PLEKHG4B: variants seen among roughly 807,000 people sequenced by gnomAD.
PLEKHG4B encodes pleckstrin homology domain-containing family G member 4B.
A neutral mutation model predicts 121.3 loss-of-function variants in PLEKHG4B; 111 were observed. The observed-to-expected ratio is 0.92, with a 90% confidence interval of 0.78 to 1.07. The LOEUF is 1.07. Ranked by LOEUF, PLEKHG4B falls within the 50% of genes least tolerant of loss-of-function variation. The probability of loss-of-function intolerance (pLI) is 0.00; values close to 1 mark genes in which losing one functional copy is unlikely to be tolerated. For missense variants in PLEKHG4B, 1,831 were observed against 1,757.8 expected (o/e 1.04, Z -0.74); for synonymous variants, 738 against 725.0 (o/e 1.02, Z -0.29).
chr5:143,537 C>A, intron 5 of PLEKHG4B, 34 bp downstream of exon 5: 1 of 1,604,536 alleles, frequency 6.2e-7, no homozygotes, highest in South Asian at 1.1e-5. Context: ...CCCTGCAGAC[C>A]CATGGGACCC....
intron 2 of PLEKHG4B, among the ~76,000 whole-genome samples, chr5:115,416 T>G (rs1414097169): frequency 6.6e-6 from 1 of 152,192 alleles, no homozygotes; most frequent in Non-Finnish European, 1.5e-5. Context: ...AGGTTCAGAA[T>G]GGTCCATAAG....
chr5:120,762 G>A (rs940687266), intron 2 of PLEKHG4B, among the ~76,000 whole-genome samples: 2 of 152,136 alleles, frequency 1.3e-5, no homozygotes, highest in African/African-American at 4.8e-5. Flanking sequence ...TTGGTGATTT[G>A]CAAAGGTACC....
chr5:129,951 C>A (rs1394085688), intron 2 of PLEKHG4B, among the ~76,000 whole-genome samples: 1 of 152,062 alleles, frequency 6.6e-6, no homozygotes, highest in Non-Finnish European at 1.5e-5. Flanking sequence ...ACAGGCTTCA[C>A]CCAGAATGTG....
In PLEKHG4B at chr5:173,956, T is replaced by G. The variant is rs749659715; in HGVS notation, c.4260T>G (p.Ser1420Arg). The G allele has an allele frequency of 1.9e-6, 3 of 1,612,214 alleles. No homozygotes were observed. The highest frequency in any genetic ancestry group is 2.5e-6 in the Non-Finnish European group (3 of 1,179,706). Residue 1420 changes from serine to arginine, a missense_variant, in exon 18 of 20, where the codon AGT becomes AGG. By Grantham distance (110) the Ser-to-Arg change is moderately radical. Transcript: ENST00000637938. ...GGATGACAGAGAACGTCGGGGACAG[T>G]GGCTTGAGGTTTGAGATTTGGTTTC... ...EIGMTENVGD[S>R]GLRFEIWFRR...
chr5:115,640 A>T (rs1734282907), intron 2 of PLEKHG4B, among the ~76,000 whole-genome samples: 1 of 152,310 alleles, frequency 6.6e-6, no homozygotes, highest in Middle Eastern at 3.4e-3. Context: ...GATCTTCTGG[A>T]TTACTTGCTG....
intron 7 of PLEKHG4B, among the ~76,000 whole-genome samples, chr5:152,077 C>T (rs149936017): frequency 6.6e-6 from 1 of 152,282 alleles, no homozygotes; most frequent in East Asian, 1.9e-4. Context: ...AAGGTACTTC[C>T]TTTCTTTTGA....
chr5:189,835 G>C lies in PLEKHG4B; in HGVS notation c.*7512G>C, dbSNP rs541292307. The C allele has an allele frequency of 5.9e-5, 9 of 152,344 alleles. No homozygotes were observed. Among genetic ancestry groups the C allele is most frequent in the South Asian group, 2.1e-4 (1 of 4,832 alleles). The allele number at this position is 152,344 out of a possible 1,614,324, so 9.4% of individuals were successfully genotyped here. ...CACAGAGCCCGAGTAGGTAAAGGAAGGTTCTGGAAACCACTTTTCAGAACC... is the reference window on the plus strand; with the variant it reads ...CACAGAGCCCGAGTAGGTAAAGGAACGTTCTGGAAACCACTTTTCAGAACC... On this transcript the variant is annotated 3_prime_UTR_variant, in exon 20 of 20. Coordinates refer to ENST00000637938, the MANE Select transcript of PLEKHG4B (RefSeq NM_052909.5).
chr5:106,707 A>C (rs1288036413), intron 1 of PLEKHG4B, among the ~76,000 whole-genome samples: 2 of 152,200 alleles, frequency 1.3e-5, no homozygotes, highest in Non-Finnish European at 2.9e-5. Flanking sequence ...GAGCAGACGT[A>C]GGTGTTGACG....
At chr5:160,827 A>G (rs1314044021) in intron 11 of PLEKHG4B, among the ~76,000 whole-genome samples, 2 of 151,836 alleles carry the variant, frequency 1.3e-5, no homozygotes, top group East Asian at 3.9e-4. Flanking sequence ...CGCCACCCCC[A>G]CTCTGCTCTG....
At chr5:117,761 G>A (rs369961670) in intron 2 of PLEKHG4B, among the ~76,000 whole-genome samples, 8 of 152,176 alleles carry the variant, frequency 5.3e-5, no homozygotes, top group African/African-American at 1.9e-4. Context: ...GCTGAGGCAG[G>A]AGAATCTCTT....
intron 5 of PLEKHG4B, 114 bp downstream of exon 5, chr5:143,617 C>T: frequency 7.6e-7 from 1 of 1,313,518 alleles, no homozygotes; most frequent in Non-Finnish European, 1.1e-6. Context: ...CTCTGCCTCT[C>T]CTAACCTCAT....
chr5:163,263 C>G lies in PLEKHG4B; in HGVS notation c.3191C>G (p.Thr1064Ser). 6.2e-7 allele frequency: 1 copy of G among 1,612,600 alleles called. No homozygotes were observed. The highest frequency in any genetic ancestry group is 1.1e-5 in the South Asian group (1 of 91,002). ...EDSSACSSEPTQTLASRPRKH... is the reference protein window; with the variant it reads ...EDSSACSSEPSQTLASRPRKH... ...AGCTCTGCCTGTTCCTCTGAGCCCA[C>G]CCAGACCCTGGCCAGCCGCCCCAGG... is the stretch of plus-strand genomic sequence containing the variant. Residue 1064 changes from threonine to serine, a missense_variant, in exon 13 of 20, where the codon ACC (threonine) becomes AGC (serine). Physicochemically the swap from Thr to Ser is moderately conservative, Grantham distance 58. Transcript: ENST00000637938.
intron 1 of PLEKHG4B, among the ~76,000 whole-genome samples, chr5:100,874 GT>G (rs1733785484): frequency 9.1e-6 from 1 of 110,234 alleles, no homozygotes; most frequent in African/African-American, 4.5e-5. Flanking sequence ...CCTGGAAAAA[GT>G]CTGTAGGGGA....
At chr5:100,284 G>T (rs1733765727) in intron 1 of PLEKHG4B, among the ~76,000 whole-genome samples, 1 of 152,208 alleles carries the variant, frequency 6.6e-6, no homozygotes, top group Non-Finnish European at 1.5e-5. Flanking sequence ...TTACTAGAAA[G>T]TCTGCAGAAG....
intron 2 of PLEKHG4B, among the ~76,000 whole-genome samples, chr5:133,388 C>T (rs1317066848): frequency 6.6e-6 from 1 of 151,786 alleles, no homozygotes; most frequent in African/African-American, 2.4e-5. Flanking sequence ...TTATTTTTTT[C>T]TCATCTGACT....
At position 173,081 on chromosome 5, in the gene PLEKHG4B, G is replaced by A. The variant is rs200086320; in HGVS notation, c.4221+14G>A. 28 of 1,612,288 alleles carry A rather than the reference G, an allele frequency of 1.7e-5. No homozygotes were observed. The highest frequency in any genetic ancestry group is 9.3e-5 in the African/African-American group (7 of 75,026). Reference sequence around the variant, plus strand: ...CAGTCCTTCAAGGTAGCACCCGCCCGGTCCGATTGGGTGCAGGCCGAGCCA... The same window carrying A: ...CAGTCCTTCAAGGTAGCACCCGCCCAGTCCGATTGGGTGCAGGCCGAGCCA... On this transcript the variant is annotated intron_variant, in intron 17 of 19. Coordinates refer to ENST00000637938, the MANE Select transcript of PLEKHG4B (RefSeq NM_052909.5).
chr5:171,177 C>T, intron 15 of PLEKHG4B, 37 bp from the exon 16 acceptor site: 3 of 1,605,420 alleles, frequency 1.9e-6, no homozygotes, highest in Non-Finnish European at 2.6e-6. Flanking sequence ...CGGCCCTCAG[C>T]CAGGCCGGAG....
At chr5:98,804 T>C (rs1226878111) in intron 1 of PLEKHG4B, among the ~76,000 whole-genome samples, 1 of 145,838 alleles carries the variant, frequency 6.9e-6, no homozygotes, top group African/African-American at 2.5e-5. Context: ...AGTTTTGAAA[T>C]CAGGAAGTCT....
intron 2 of PLEKHG4B, among the ~76,000 whole-genome samples, chr5:125,924 C>T (rs972782582): frequency 4.6e-5 from 7 of 152,058 alleles, no homozygotes; most frequent in African/African-American, 1.4e-4. Flanking sequence ...ATGTTTTGTC[C>T]CACTGCCTTC....
Sources: allele counts gnomAD v4.1 joint callset (sites outside exome capture counted in the v4.1 genomes callset), GRCh38; gene constraint gnomAD v4.1.1; transcripts MANE v1.5; gene names NCBI Gene and HGNC (gene_info 2026-07-23, HGNC 2026-07-21).